The following CORO2A variants were observed in gnomAD, a reference collection of about 807,000 sequenced individuals.
CORO2A encodes coronin-2A.
Under a neutral mutation model 62.4 loss-of-function variants are expected in CORO2A, and 47 were observed. The observed-to-expected ratio is 0.75, with a 90% confidence interval of 0.60 to 0.96. The LOEUF (loss-of-function observed/expected upper bound fraction) is 0.96. CORO2A is among the 40% of genes least tolerant of loss of function. The probability of loss-of-function intolerance (pLI) is 0.00; values close to 1 mark genes in which losing one functional copy is unlikely to be tolerated. For synonymous variants in CORO2A, 273 were observed against 268.9 expected (o/e 1.02, Z -0.15); for missense variants, 610 against 684.1 (o/e 0.89, Z 1.21).
At chr9:98,186,843 A>G (rs1034140759) in intron 1 of CORO2A, among the ~76,000 whole-genome samples, 17 of 152,016 alleles carry the variant, frequency 1.1e-4, no homozygotes, top group Non-Finnish European at 2.1e-4. Context: ...CCTCCTGCTC[A>G]CCTGGCCTGG....
At chr9:98,128,061 G>T in intron 10 of CORO2A, 109 bp downstream of exon 10, 1 of 826,370 alleles carries the variant, frequency 1.2e-6, no homozygotes, top group Non-Finnish European at 2.0e-6. Flanking sequence ...TGGCTTCTGA[G>T]GTCATGAGAG....
intron 2 of CORO2A, among the ~76,000 whole-genome samples, chr9:98,153,688 A>ACACT (rs760858560): frequency 3.3e-5 from 5 of 149,384 alleles, no homozygotes; most frequent in Non-Finnish European, 5.9e-5. Flanking sequence ...ACACACACAC[A>ACACT]CACACTCACA....
At chr9:98,154,310 C>A (rs904476516) in intron 2 of CORO2A, among the ~76,000 whole-genome samples, 6 of 66,202 alleles carry the variant, frequency 9.1e-5, no homozygotes, top group African/African-American at 2.8e-4. Context: ...GGCCTAGAGT[C>A]TTTCTTATGT....
rs1018296450 is a variant in CORO2A at position 98,137,553 on chromosome 9, C to T, written c.318+19G>A. On this transcript the variant is annotated intron_variant, in intron 3 of 11. Transcript: ENST00000375077. ...CCCACTCTTCAGGAAGGGGAAGCCC[C>T]TCAGGGGCTGACACTCACTGTGGCA... 1.0e-5 allele frequency: 16 copies of T among 1,603,566 alleles called. No individual in the cohort carries two copies. The highest frequency in any genetic ancestry group is 6.7e-5 in the Admixed American group (4 of 59,992).
chr9:98,130,108 A>G (rs780979361), intron 7 of CORO2A, among the ~76,000 whole-genome samples: 1 of 152,050 alleles, frequency 6.6e-6, no homozygotes, highest in Non-Finnish European at 1.5e-5. Flanking sequence ...TTTTTTTGAG[A>G]CAGGGTCTCA....
chr9:98,164,976 C>CT (rs138119548), intron 1 of CORO2A, among the ~76,000 whole-genome samples: 5,358 of 149,570 alleles, frequency 0.036, 228 homozygotes, highest in African/African-American at 0.11. Context: ...TGTAACAATT[C>CT]TTTTTTTTTT....
chr9:98,126,973 C>T (rs923455630), intron 10 of CORO2A, 150 bp from the exon 11 acceptor site: 3 of 819,048 alleles, frequency 3.7e-6, no homozygotes, highest in Non-Finnish European at 5.8e-6. Flanking sequence ...TGTGGACAGG[C>T]CCAAACCCAC....
chr9:98,141,822 G>T (rs1827572601), intron 2 of CORO2A, among the ~76,000 whole-genome samples: 1 of 152,174 alleles, frequency 6.6e-6, no homozygotes, highest in African/African-American at 2.4e-5. Context: ...CAGGATTGTT[G>T]AGAGTTAAAT....
chr9:98,136,647 C>T (rs1027183281), intron 3 of CORO2A, among the ~76,000 whole-genome samples: 1 of 152,200 alleles, frequency 6.6e-6, no homozygotes, highest in African/African-American at 2.4e-5. Context: ...TGAAGTCTTG[C>T]TCTGCCTCCC....
At chr9:98,153,649 AACACACACACACACACACACAC>A (rs55685018) in intron 2 of CORO2A, among the ~76,000 whole-genome samples, 1 of 133,892 alleles carries the variant, frequency 7.5e-6, no homozygotes, top group African/African-American at 2.8e-5. Flanking sequence ...TCTGTTTCCA[AACACACACACACACACACACAC>A]ACACACACAC....
At chr9:98,132,052 C>T (rs906240488) in intron 6 of CORO2A, 133 bp downstream of exon 6, 19 of 755,898 alleles carry the variant, frequency 2.5e-5, no homozygotes, top group African/African-American at 3.4e-5. Flanking sequence ...TATTCATCCC[C>T]GGATCCCCAG....
At chr9:98,167,329 TTAATGGA>T (rs963659013) in intron 1 of CORO2A, among the ~76,000 whole-genome samples, 1 of 152,064 alleles carries the variant, frequency 6.6e-6, no homozygotes, top group African/African-American at 2.4e-5. Context: ...AAGTTATTGT[TTAATGGA>T]TATAGAGTTT....
intron 4 of CORO2A, 71 bp downstream of exon 4, chr9:98,134,735 T>G: frequency 6.8e-7 from 1 of 1,478,444 alleles, no homozygotes; most frequent in Non-Finnish European, 9.1e-7. Flanking sequence ...TGTGACAGAA[T>G]ACATTTCCAT....
intron 1 of CORO2A, among the ~76,000 whole-genome samples, chr9:98,180,217 C>A (rs16913581): frequency 9.2e-5 from 14 of 152,076 alleles, no homozygotes; most frequent in African/African-American, 3.1e-4. Context: ...CCAGACCCTA[C>A]GTTCATCGCA....
At chr9:98,146,939 G>A (rs543126239) in intron 2 of CORO2A, among the ~76,000 whole-genome samples, 1 of 152,276 alleles carries the variant, frequency 6.6e-6, no homozygotes, top group Admixed American at 6.5e-5. Flanking sequence ...ATGGCATGGT[G>A]CCTGCACAGT....
intron 1 of CORO2A, among the ~76,000 whole-genome samples, chr9:98,187,519 C>T (rs995094427): frequency 1.3e-5 from 2 of 151,200 alleles, no homozygotes; most frequent in Non-Finnish European, 2.9e-5. Flanking sequence ...TCTCACAGTT[C>T]AGGAGGATGG....
chr9:98,157,316 G>T, intron 2 of CORO2A, 144 bp downstream of exon 2: 2 of 749,098 alleles, frequency 2.7e-6, no homozygotes, highest in Non-Finnish European at 4.3e-6. Context: ...GGAAACCAAG[G>T]CTCAAAGAGA....
At chr9:98,185,196 C>T (rs1046904881) in intron 1 of CORO2A, among the ~76,000 whole-genome samples, 1 of 152,150 alleles carries the variant, frequency 6.6e-6, no homozygotes, top group South Asian at 2.1e-4. Context: ...GGTTAGGTGC[C>T]CTCCTGGAGG....
chr9:98,153,759 T>C (rs1486702455), intron 2 of CORO2A, among the ~76,000 whole-genome samples: 5 of 151,624 alleles, frequency 3.3e-5, no homozygotes, highest in African/African-American at 1.2e-4. Flanking sequence ...AATCAGGAAT[T>C]AGTTCAGTTT....
Sources: gnomAD v4.1 joint callset for allele counts (sites outside exome capture counted in the v4.1 genomes callset) on GRCh38, gnomAD v4.1.1 for gene constraint, MANE v1.5 for transcripts, NCBI Gene and HGNC (gene_info 2026-07-23, HGNC 2026-07-21) for gene names.